TRPC5: variants seen among roughly 807,000 people sequenced by gnomAD.
TRPC5 encodes short transient receptor potential channel 5.
Under a neutral mutation model 56.5 loss-of-function variants are expected in TRPC5, and 9 were observed. The observed-to-expected ratio is 0.16, with a 90% CI of 0.10 to 0.28. TRPC5 has a LOEUF of 0.28. Ranked by LOEUF, TRPC5 falls within the 10% of genes least tolerant of loss-of-function variation. The pLI, the probability that TRPC5 is intolerant of heterozygous loss-of-function variation, is 1.00. For synonymous variants in TRPC5, 282 were observed against 278.5 expected (o/e 1.01, Z -0.13); for missense variants, 469 against 748.9 (o/e 0.63, Z 4.36).
rs1945869778 is a variant in TRPC5 at position 111,775,447 on chromosome X, T to G, written c.*866A>C. On this transcript the variant is annotated 3_prime_UTR_variant, in exon 11 of 11. Transcript: ENST00000262839. ...TAGGACCCAACAAATATGACAACTATTTATCTTGCCAATGTATGAGATGTA... is the reference window on the plus strand; with the variant it reads ...TAGGACCCAACAAATATGACAACTAGTTATCTTGCCAATGTATGAGATGTA... The G allele has an allele frequency of 8.9e-6, 1 of 112,132 alleles. No homozygotes were observed. The highest frequency in any genetic ancestry group is 1.9e-5 in the Non-Finnish European group (1 of 53,237). 9.2% of individuals were successfully genotyped at this position (112,132 alleles called of 1,213,427 possible).
At chrX:112,056,683 G>T (rs1448969151) in intron 1 of TRPC5, among the ~76,000 whole-genome samples, 1 of 112,193 alleles carries the variant, frequency 8.9e-6, no homozygotes, top group East Asian at 2.8e-4. Context: ...TTTACTGGCT[G>T]GTTTTGGCTC....
At chrX:112,040,369 TTGA>T (rs745440663) in intron 1 of TRPC5, among the ~76,000 whole-genome samples, 150 of 112,225 alleles carry the variant, frequency 1.3e-3, no homozygotes, top group African/African-American at 4.6e-3. Flanking sequence ...AGCTAGACTC[TTGA>T]TGATCTAGAA....
intron 1 of TRPC5, among the ~76,000 whole-genome samples, chrX:111,968,360 C>T (rs1230668762): frequency 9.0e-6 from 1 of 111,655 alleles, no homozygotes; most frequent in Non-Finnish European, 1.9e-5. Flanking sequence ...AATAGGAACA[C>T]TTTTACACTG....
At chrX:111,992,446 T>C (rs1928379851) in intron 1 of TRPC5, among the ~76,000 whole-genome samples, 1 of 111,671 alleles carries the variant, frequency 9.0e-6, no homozygotes, top group African/African-American at 3.3e-5. Context: ...GCATAATTTC[T>C]ACCTTAACCC....
In TRPC5 at chrX:111,862,289, CT is replaced by C. The variant is rs779774292; in HGVS notation, c.901-8184del. On this transcript the variant is annotated intron_variant, in intron 3 of 10. Transcript: ENST00000262839. ...GCACCAAGGCCTGATTCTTTCTTCC[CT>C]TATTGTTTTTTTATTTTCCCCAACT... Among the ~76,000 whole-genome samples, 18 of 111,933 alleles carry C rather than the reference CT, an allele frequency of 1.6e-4. No individual in the cohort carries two copies. The East Asian group carries it at 4.8e-3, about 30-fold the overall frequency.
chrX:111,931,666 T>C (rs1926421003), intron 2 of TRPC5, among the ~76,000 whole-genome samples: 1 of 112,064 alleles, frequency 8.9e-6, no homozygotes, highest in Non-Finnish European at 1.9e-5. Context: ...TGATCATTTT[T>C]AGCTCCAAAG....
At chrX:111,825,209 TTCTTTCTTTCTTCTTTCTTTC>T (rs1922182668) in intron 7 of TRPC5, among the ~76,000 whole-genome samples, 10 of 73,993 alleles carry the variant, frequency 1.4e-4, no homozygotes, top group Admixed American at 1.2e-3. Context: ...CTTTCTTTCT[TTCTTTCTTTCTTCTTTCTTTC>T]TCTCTCTCTC....
At chrX:111,864,148 G>A (rs779200802) in intron 3 of TRPC5, among the ~76,000 whole-genome samples, 3 of 109,735 alleles carry the variant, frequency 2.7e-5, no homozygotes, top group South Asian at 4.1e-4. Context: ...CACCACACCC[G>A]GCTATTTTTT....
chrX:111,791,746 C>T (rs1329098727), intron 7 of TRPC5, among the ~76,000 whole-genome samples: 2 of 112,389 alleles, frequency 1.8e-5, no homozygotes, highest in Non-Finnish European at 1.9e-5. Flanking sequence ...ACCCAAGCTA[C>T]TGGTCTCATA....
chrX:111,799,142 G>A (rs1161356055), intron 7 of TRPC5, among the ~76,000 whole-genome samples: 2 of 103,084 alleles, frequency 1.9e-5, no homozygotes, highest in Non-Finnish European at 3.8e-5. Flanking sequence ...TTAAAGGCAA[G>A]AAGAGATGGG....
Position 111,835,128 on chromosome X carries a change from C to A in TRPC5, c.1701-12G>T. 1 of 1,167,713 alleles carries A rather than the reference C, an allele frequency of 8.6e-7. No individual in the cohort carries two copies. The highest frequency in any genetic ancestry group is 1.2e-6 in the Non-Finnish European group (1 of 869,302). ...GAGTCTCAAAGAGCCTAAAAGAGATCAAAGAGCAGGTTAGTTAATTCTTTA... is the reference window on the plus strand; with the variant it reads ...GAGTCTCAAAGAGCCTAAAAGAGATAAAAGAGCAGGTTAGTTAATTCTTTA... On this transcript the variant is annotated splice_polypyrimidine_tract_variant and intron_variant, in intron 6 of 10. Coordinates refer to ENST00000262839, the MANE Select transcript of TRPC5 (RefSeq NM_012471.3).
At chrX:111,881,562 A>C (rs1924224816) in intron 3 of TRPC5, among the ~76,000 whole-genome samples, 1 of 111,574 alleles carries the variant, frequency 9.0e-6, no homozygotes, top group Non-Finnish European at 1.9e-5. Flanking sequence ...TGGCAGAAAT[A>C]AAAATATACT....
intron 7 of TRPC5, among the ~76,000 whole-genome samples, chrX:111,799,437 A>G (rs887681859): frequency 2.7e-5 from 3 of 111,389 alleles, no homozygotes; most frequent in Non-Finnish European, 3.8e-5. Flanking sequence ...CAAAGACATC[A>G]AAGTGGTCTA....
intron 1 of TRPC5, among the ~76,000 whole-genome samples, chrX:111,960,604 G>A (rs955437348): frequency 7.2e-5 from 8 of 111,035 alleles, no homozygotes; most frequent in African/African-American, 1.3e-4. Context: ...AGCGTAATTC[G>A]TTAAAAGTCT....
chrX:111,913,777 G>C (rs1227762438), intron 2 of TRPC5, among the ~76,000 whole-genome samples: 2 of 110,802 alleles, frequency 1.8e-5, no homozygotes, highest in Non-Finnish European at 3.8e-5. Flanking sequence ...TGGCTAACAC[G>C]GTGAAACCCC....
intron 7 of TRPC5, among the ~76,000 whole-genome samples, chrX:111,797,215 A>T (rs1278632070): frequency 8.9e-6 from 1 of 112,275 alleles, no homozygotes; most frequent in Non-Finnish European, 1.9e-5. Flanking sequence ...TGAAACAGGG[A>T]TTGTTAAACT....
intron 1 of TRPC5, among the ~76,000 whole-genome samples, chrX:111,970,605 C>T (rs1190185688): frequency 9.0e-6 from 1 of 111,307 alleles, no homozygotes; most frequent in Non-Finnish European, 1.9e-5. Context: ...AGAACAGCTT[C>T]AAAATGAAAG....
At chrX:111,963,846 A>G (rs1927471260) in intron 1 of TRPC5, among the ~76,000 whole-genome samples, 1 of 111,607 alleles carries the variant, frequency 9.0e-6, no homozygotes, top group South Asian at 3.8e-4. Context: ...TCAAAGACCA[A>G]AAGAAGATAA....
chrX:111,823,638 A>T (rs185858049), intron 7 of TRPC5, among the ~76,000 whole-genome samples: 266 of 110,956 alleles, frequency 2.4e-3, no homozygotes, highest in African/African-American at 8.4e-3. Context: ...GGACACACTA[A>T]AGAAGAAAAA....
Sources: allele counts gnomAD v4.1 joint callset (sites outside exome capture counted in the v4.1 genomes callset), GRCh38; gene constraint gnomAD v4.1.1; transcripts MANE v1.5; gene names NCBI Gene and HGNC (gene_info 2026-07-23, HGNC 2026-07-21).